The following CTNNA2 variants were observed in gnomAD, a reference collection of about 807,000 sequenced individuals.
The protein encoded by CTNNA2 is catenin alpha 2.
CTNNA2 carries 42 observed loss-of-function variants against 101.0 expected under a neutral mutation model. That is an observed-to-expected ratio of 0.42 (90% confidence interval 0.32 to 0.54). The LOEUF (loss-of-function observed/expected upper bound fraction) is 0.54. Among genes scored for constraint, CTNNA2 ranks in the 20% least tolerant of loss-of-function variants. CTNNA2 has a pLI of 0.14. For synonymous variants in CTNNA2, 450 were observed against 456.4 expected (o/e 0.99, Z 0.18); for missense variants, 871 against 1,223.1 (o/e 0.71, Z 4.29).
At chr2:80,146,335 T>C (rs1023931733) in intron 7 of CTNNA2, among the ~76,000 whole-genome samples, 1 of 152,210 alleles carries the variant, frequency 6.6e-6, no homozygotes, top group African/African-American at 2.4e-5. Flanking sequence ...AGTTGTTTCT[T>C]GGATTGTTAC....
chr2:79,250,504 C>A (rs914035264), intron 2 of CTNNA2, among the ~76,000 whole-genome samples: 1 of 152,256 alleles, frequency 6.6e-6, no homozygotes, highest in East Asian at 1.9e-4. Flanking sequence ...TGCAGAGAGT[C>A]CTAGACTCAG....
At chr2:80,461,638 A>C (rs933649483) in intron 9 of CTNNA2, among the ~76,000 whole-genome samples, 1 of 152,050 alleles carries the variant, frequency 6.6e-6, no homozygotes, top group East Asian at 1.9e-4. Context: ...TTATACTGTT[A>C]TGTTCATGTA....
At chr2:79,884,136 C>G (rs1265141683) in intron 6 of CTNNA2, among the ~76,000 whole-genome samples, 4 of 152,116 alleles carry the variant, frequency 2.6e-5, no homozygotes, top group African/African-American at 9.7e-5. Flanking sequence ...ATTATCTTGA[C>G]TTCTTCTAAC....
intron 9 of CTNNA2, among the ~76,000 whole-genome samples, chr2:80,544,457 A>T (rs1277065560): frequency 6.6e-6 from 1 of 152,112 alleles, no homozygotes; most frequent in African/African-American, 2.4e-5. Flanking sequence ...TACATTGCTC[A>T]TAACAGCTGG....
chr2:79,288,783 A>G (rs1675701098), intron 2 of CTNNA2, among the ~76,000 whole-genome samples: 1 of 152,214 alleles, frequency 6.6e-6, no homozygotes. Flanking sequence ...TGTCAAAACA[A>G]TCACAGGGTT....
intron 7 of CTNNA2, among the ~76,000 whole-genome samples, chr2:80,071,302 A>C (rs916674951): frequency 6.6e-6 from 1 of 152,216 alleles, no homozygotes; most frequent in African/African-American, 2.4e-5. Context: ...ATAGTAACAA[A>C]GTTTTGCTGA....
intron 1 of CTNNA2, among the ~76,000 whole-genome samples, chr2:79,603,386 G>A (rs1467671437): frequency 6.6e-6 from 1 of 152,146 alleles, no homozygotes; most frequent in East Asian, 1.9e-4. Flanking sequence ...GGGGAAAATG[G>A]TGTATTCAGT....
chr2:80,591,174 A>T (rs1195851895), intron 15 of CTNNA2, among the ~76,000 whole-genome samples: 2 of 152,156 alleles, frequency 1.3e-5, no homozygotes, highest in Non-Finnish European at 2.9e-5. Flanking sequence ...CATGGTGTTA[A>T]ATAAGACACA....
chr2:79,316,586 T>C (rs1676503442), intron 3 of CTNNA2, among the ~76,000 whole-genome samples: 1 of 152,034 alleles, frequency 6.6e-6, no homozygotes, highest in African/African-American at 2.4e-5. Flanking sequence ...TCTTCTTTAG[T>C]ATTTTCAACA....
At chr2:79,908,469 T>C (rs1685569219) in intron 6 of CTNNA2, among the ~76,000 whole-genome samples, 1 of 152,298 alleles carries the variant, frequency 6.6e-6, no homozygotes, top group African/African-American at 2.4e-5. Flanking sequence ...CACCATTTCC[T>C]GCAGCAGGTC....
intron 4 of CTNNA2, among the ~76,000 whole-genome samples, chr2:79,468,177 G>T (rs1558674130): frequency 6.6e-6 from 1 of 152,156 alleles, no homozygotes; most frequent in East Asian, 1.9e-4. Context: ...TAAAGGGGTG[G>T]AGGAAGATCT....
chr2:80,168,844 G>A (rs376715354), intron 7 of CTNNA2, among the ~76,000 whole-genome samples: 4 of 152,000 alleles, frequency 2.6e-5, no homozygotes, highest in East Asian at 3.9e-4. Flanking sequence ...GAGAACTTAC[G>A]AATTAGAACA....
intron 7 of CTNNA2, among the ~76,000 whole-genome samples, chr2:80,348,313 C>A (rs1175146780): frequency 2.6e-5 from 4 of 152,090 alleles, no homozygotes; most frequent in Non-Finnish European, 4.4e-5. Flanking sequence ...TTATTCTAGA[C>A]CAGTCAAAAG....
chr2:79,963,701 CA>C (rs1689825262), intron 7 of CTNNA2, among the ~76,000 whole-genome samples: 1 of 152,146 alleles, frequency 6.6e-6, no homozygotes, highest in Non-Finnish European at 1.5e-5. Context: ...ATTATCCCAG[CA>C]AAACAATGGG....
chr2:80,303,373 C>A lies in CTNNA2; in HGVS notation c.1057-89838C>A. The A allele has an allele frequency of 6.2e-7, 1 of 1,614,142 alleles. No homozygotes were observed. ...GGAAGAGGTCGGGCGCGAGCGCCTG[C>A]AGCTTGTTGTACGAGAGGTCCACGC... On this transcript the variant is annotated intron_variant, in intron 7 of 18. Transcript: ENST00000402739. This position sits in a 1 kb window ranked among gnomAD's most constrained non-coding sequence, Gnocchi z 7.7.
chr2:80,126,618 C>CCTT (rs1702133138), intron 7 of CTNNA2, among the ~76,000 whole-genome samples: 1 of 68,678 alleles, frequency 1.5e-5, no homozygotes, highest in Non-Finnish European at 2.9e-5. Context: ...CTCCCTCCCT[C>CCTT]CCTCCCTCCC....
intron 9 of CTNNA2, among the ~76,000 whole-genome samples, chr2:80,506,156 T>C (rs1274533937): frequency 1.3e-5 from 2 of 152,118 alleles, no homozygotes; most frequent in African/African-American, 4.8e-5. Flanking sequence ...GAAGCATCAG[T>C]GGTTACTAGT....
chr2:79,912,719 G>A (rs1413481962), intron 7 of CTNNA2, among the ~76,000 whole-genome samples: 1 of 152,200 alleles, frequency 6.6e-6, no homozygotes, highest in Non-Finnish European at 1.5e-5. Context: ...GTACATATGT[G>A]AAGACTAATG....
intron 7 of CTNNA2, among the ~76,000 whole-genome samples, chr2:80,075,247 T>C (rs2148788206): frequency 6.6e-6 from 1 of 152,240 alleles, no homozygotes; most frequent in East Asian, 1.9e-4. Flanking sequence ...ATCCATCCTG[T>C]ACCATCTAAG....
Sources: allele counts gnomAD v4.1 joint callset (sites outside exome capture counted in the v4.1 genomes callset), GRCh38; gene constraint gnomAD v4.1.1; non-coding constraint Gnocchi (gnomAD v3.1); transcripts MANE v1.5; gene names NCBI Gene and HGNC (gene_info 2026-07-23, HGNC 2026-07-21).